TBL1X: variants seen among roughly 807,000 people sequenced by gnomAD.
TBL1X encodes the protein F-box-like/WD repeat-containing protein TBL1X.
TBL1X carries 10 observed loss-of-function variants against 50.7 expected under a neutral mutation model. The observed-to-expected ratio is 0.20, with a 90% CI of 0.12 to 0.33. The LOEUF (loss-of-function observed/expected upper bound fraction) is 0.33. Ranked by LOEUF, TBL1X falls within the 10% of genes least tolerant of loss-of-function variation. The pLI is 1.00. For missense variants in TBL1X, 340 were observed against 504.4 expected (o/e 0.67, Z 3.12); for synonymous variants, 190 against 214.7 (o/e 0.88, Z 1.01).
At chrX:9,494,260 G>A (rs996813550) in intron 1 of TBL1X, among the ~76,000 whole-genome samples, 2 of 111,616 alleles carry the variant, frequency 1.8e-5, no homozygotes, top group African/African-American at 6.5e-5. Flanking sequence ...TTCCAGAAGA[G>A]AATTTGCCAG....
At chrX:9,691,818 AC>A in intron 8 of TBL1X, 107 bp downstream of exon 8, 5 of 1,057,814 alleles carry the variant, frequency 4.7e-6, no homozygotes, top group Non-Finnish European at 1.3e-6. Context: ...TCCCCTTCTT[AC>A]CCCGGTGTGT....
At chrX:9,608,607 T>C (rs1044423998) in intron 2 of TBL1X, among the ~76,000 whole-genome samples, 2 of 112,214 alleles carry the variant, frequency 1.8e-5, no homozygotes, top group Non-Finnish European at 3.8e-5. Context: ...TATCTAGGAT[T>C]TTATTTTCTT....
At chrX:9,683,148 T>C (rs2083035880) in intron 5 of TBL1X, among the ~76,000 whole-genome samples, 1 of 111,905 alleles carries the variant, frequency 8.9e-6, no homozygotes, top group African/African-American at 3.3e-5. Context: ...CACCTCCCTC[T>C]CTCTCCTTGA....
chrX:9,691,670 C>T lies in TBL1X; in HGVS notation c.708C>T (p.Phe236=). ...TTCGGGGCCATGAGTCTGAGGTGTT[C>T]ATTTGTGCCTGGAATCCTGTCAGTG... is the stretch of plus-strand genomic sequence containing the variant. ...TVLRGHESEV[F]ICAWNPVSDL... The change falls in exon 8 of 18, where the codon TTC becomes TTT. Residue 236 remains phenylalanine, a synonymous_variant. Coordinates refer to ENST00000645353, the MANE Select transcript of TBL1X (RefSeq NM_005647.4). 8.3e-7 allele frequency: 1 copy of T among 1,210,968 alleles called. No individual in the cohort carries two copies. The highest frequency in any genetic ancestry group is 1.1e-6 in the Non-Finnish European group (1 of 895,339).
At chrX:9,652,862 A>G (rs2082843506) in intron 3 of TBL1X, among the ~76,000 whole-genome samples, 1 of 110,082 alleles carries the variant, frequency 9.1e-6, no homozygotes, top group Non-Finnish European at 1.9e-5. Context: ...AAAAAAAAAA[A>G]AAAAGAAAGA....
chrX:9,651,011 CTTTTTTTTTTTTTT>C (rs572743375), intron 3 of TBL1X, among the ~76,000 whole-genome samples: 1 of 30,913 alleles, frequency 3.2e-5, no homozygotes, highest in African/African-American at 1.4e-4. Context: ...AGCTGCCAGC[CTTTTTTTTTTTTTT>C]TTTTTTTTTT....
At chrX:9,546,103 C>A (rs561102680) in intron 2 of TBL1X, among the ~76,000 whole-genome samples, 1 of 112,057 alleles carries the variant, frequency 8.9e-6, no homozygotes, top group East Asian at 2.8e-4. Flanking sequence ...CTCTCTGTTA[C>A]CAATGAGTAA....
chrX:9,479,185 G>A (rs1431572806), intron 1 of TBL1X, among the ~76,000 whole-genome samples: 1 of 113,021 alleles, frequency 8.8e-6, no homozygotes, highest in Non-Finnish European at 1.9e-5. Context: ...TAGGCCAGGC[G>A]CAGTGGCTCA....
rs966266673 is a variant in TBL1X at position 9,599,363 on chromosome X, G to A, written c.-130-40910G>A. Among the ~76,000 whole-genome samples, 6 of 112,181 alleles carry A rather than the reference G, an allele frequency of 5.3e-5. No individual in the cohort carries two copies. The Admixed American group carries it at 5.7e-4, about 11-fold the overall frequency. On this transcript the variant is annotated intron_variant, in intron 2 of 17. Coordinates refer to ENST00000645353, the MANE Select transcript of TBL1X (RefSeq NM_005647.4). The stretch of plus-strand genomic sequence containing the variant: ...GTTACTCCCAGGTACTAGGTGTTAG[G>A]GCTTCAACATACGCCTTGGGATGGG...
At chrX:9,513,370 C>T (rs2082066507) in intron 2 of TBL1X, among the ~76,000 whole-genome samples, 1 of 110,479 alleles carries the variant, frequency 9.1e-6, no homozygotes, top group Non-Finnish European at 1.9e-5. Context: ...TGGGGGGGTG[C>T]AGAAGATTTG....
intron 1 of TBL1X, among the ~76,000 whole-genome samples, chrX:9,476,996 C>G (rs910064043): frequency 8.9e-6 from 1 of 112,300 alleles, no homozygotes; most frequent in Admixed American, 9.4e-5. Context: ...TCAGTCAGTA[C>G]TGCTCATATC....
chrX:9,628,291 G>A (rs994692759), intron 2 of TBL1X, among the ~76,000 whole-genome samples: 9 of 111,661 alleles, frequency 8.1e-5, no homozygotes, highest in Non-Finnish European at 1.3e-4. Flanking sequence ...ATCCCTGGGC[G>A]TCCCCCACTG....
rs752327947 is a variant in TBL1X, at chrX:9,542,680, C to T, written c.-131+40831C>T. 2.1e-3 allele frequency among the ~76,000 whole-genome samples: 231 copies of T among 112,073 alleles called. 2 individuals carry two copies. The highest frequency in any genetic ancestry group is 7.1e-3 in the African/African-American group (219 of 30,871). On this transcript the variant is annotated intron_variant, in intron 2 of 17. Transcript: ENST00000645353. The stretch of plus-strand genomic sequence containing the variant: ...GTAAAGCAGAATGGGAGAGGAAACT[C>T]CCCAGAGGGAAACTGGGACCCTGTT...
intron 3 of TBL1X, chrX:9,645,106 T>C (rs1431090159): frequency 8.9e-6 from 1 of 112,296 alleles, no homozygotes; most frequent in African/African-American, 3.2e-5. Flanking sequence ...TCGTTTTTGT[T>C]TGTTTTGAGA....
At chrX:9,506,052 TA>T (rs1469061303) in intron 2 of TBL1X, among the ~76,000 whole-genome samples, 1 of 112,233 alleles carries the variant, frequency 8.9e-6, no homozygotes, top group Admixed American at 9.4e-5. Context: ...CAATTGGAAG[TA>T]AAACACTCCT....
chrX:9,634,440 A>G (rs1056727221), intron 2 of TBL1X, among the ~76,000 whole-genome samples: 1 of 111,794 alleles, frequency 8.9e-6, no homozygotes, highest in Non-Finnish European at 1.9e-5. Flanking sequence ...AAAATTATTA[A>G]TTAGATTATT....
At chrX:9,464,931 T>G (rs1382753547), upstream of TBL1X, 1 of 108,351 alleles carries the variant, frequency 9.2e-6, no homozygotes, top group East Asian at 3.0e-4. Context: ...GAGGGGCTGG[T>G]TCGGGACGCG....
At chrX:9,624,361 T>C (rs1438147408) in intron 2 of TBL1X, among the ~76,000 whole-genome samples, 3 of 112,333 alleles carry the variant, frequency 2.7e-5, no homozygotes, top group African/African-American at 9.7e-5. Context: ...CTTCAACATA[T>C]CATTTAAGGG....
At chrX:9,714,780 A>T in intron 16 of TBL1X, 122 bp from the exon 17 acceptor site, 3 of 722,627 alleles carry the variant, frequency 4.2e-6, no homozygotes, top group Non-Finnish European at 6.3e-6. Flanking sequence ...GAAAACCCTT[A>T]AATTTCACCA....
Sources: gnomAD v4.1 joint callset for allele counts (sites outside exome capture counted in the v4.1 genomes callset) on GRCh38, gnomAD v4.1.1 for gene constraint, MANE v1.5 for transcripts, NCBI Gene and HGNC (gene_info 2026-07-23, HGNC 2026-07-21) for gene names.